Variants in CYP2C19 observed in about 807,000 individuals in gnomAD.
CYP2C19 encodes the protein cytochrome P450 family 2 subfamily C member 19.
In CYP2C19, 59 loss-of-function variants were observed where a neutral mutation model predicts 40.9. That is an observed-to-expected ratio of 1.44 (90% CI 1.17 to 1.79). The LOEUF (loss-of-function observed/expected upper bound fraction) is 1.79, where lower values mean the gene tolerates loss of function less well. Ranked by LOEUF, CYP2C19 falls within the 40% of genes most tolerant of loss-of-function variation. The pLI is 0.00. For synonymous variants in CYP2C19, 253 were observed against 208.7 expected (o/e 1.21, Z -1.83); for missense variants, 754 against 596.9 (o/e 1.26, Z -2.74).
chr10:94,842,386 A>G (rs1407331752), intron 6 of CYP2C19, among the ~76,000 whole-genome samples: 6 of 115,470 alleles, frequency 5.2e-5, no homozygotes, highest in Non-Finnish European at 1.1e-4. Flanking sequence ...GTGTTTTTTT[A>G]AGTGAAGTTT....
At chr10:94,795,024 C>T (rs962974946) in intron 5 of CYP2C19, among the ~76,000 whole-genome samples, 3 of 151,762 alleles carry the variant, frequency 2.0e-5, no homozygotes, top group Admixed American at 2.0e-4. Flanking sequence ...TATTTTTATA[C>T]TTTAAGTTGT....
intron 6 of CYP2C19, among the ~76,000 whole-genome samples, chr10:94,821,849 G>C (rs1269024483): frequency 3.3e-5 from 5 of 151,768 alleles, no homozygotes; most frequent in Non-Finnish European, 5.9e-5. Context: ...TGGGTAAATT[G>C]TGTAACACTG....
At chr10:94,788,385 G>A (rs57515602) in intron 5 of CYP2C19, among the ~76,000 whole-genome samples, 110 of 152,120 alleles carry the variant, frequency 7.2e-4, no homozygotes, top group African/African-American at 2.6e-3. Context: ...ACAGTAGAAG[G>A]ATGGGTATTT....
intron 1 of CYP2C19, among the ~76,000 whole-genome samples, chr10:94,771,776 A>C (rs781461017): frequency 1.3e-5 from 2 of 152,012 alleles, no homozygotes; most frequent in Non-Finnish European, 2.9e-5. Context: ...CAGCAGCAGA[A>C]ACACCTCTTG....
rs1384909866 is a variant in CYP2C19 at position 94,854,366 on chromosome 10, TCTC to T, written c.*1455_*1457del. Among the ~76,000 whole-genome samples, 1 of 152,112 alleles carries T rather than the reference TCTC, an allele frequency of 6.6e-6. No homozygotes were observed. The highest frequency in any genetic ancestry group is 1.5e-5 in the Non-Finnish European group (1 of 68,016). On this transcript the variant is annotated 3_prime_UTR_variant, in exon 9 of 9. Coordinates refer to ENST00000371321, the MANE Select transcript of CYP2C19 (RefSeq NM_000769.4). ...TACCAGGGTTTAATCTTTTTCAGCT[TCTC>T]CTATATTGTTTTAGTTTTAACATTA...
At chr10:94,801,343 G>A (rs577456994) in intron 5 of CYP2C19, among the ~76,000 whole-genome samples, 118 of 152,094 alleles carry the variant, frequency 7.8e-4, no homozygotes, top group African/African-American at 2.6e-3. Context: ...CCTTAATTTC[G>A]TTAGTTACTC....
At position 94,852,928 on chromosome 10, in the gene CYP2C19, G is replaced by A; in HGVS notation, c.*14G>A. On this transcript the variant is annotated 3_prime_UTR_variant, in exon 9 of 9. Coordinates refer to ENST00000371321, the MANE Select transcript of CYP2C19 (RefSeq NM_000769.4). ...ATTCCTGTCTGAAGAAGCACAGATG[G>A]TCTGGCTGCTCCTGTGCTGTCCCTG... is the stretch of plus-strand genomic sequence containing the variant. The A allele has an allele frequency of 1.2e-6, 2 of 1,613,638 alleles. No individual in the cohort carries two copies. The highest frequency in any genetic ancestry group is 8.5e-7 in the Non-Finnish European group (1 of 1,179,722).
At chr10:94,795,022 T>C (rs1848662688) in intron 5 of CYP2C19, among the ~76,000 whole-genome samples, 1 of 151,968 alleles carries the variant, frequency 6.6e-6, no homozygotes, top group South Asian at 2.1e-4. Flanking sequence ...TATATTTTTA[T>C]ACTTTAAGTT....
At chr10:94,824,801 C>A (rs925881604) in intron 6 of CYP2C19, among the ~76,000 whole-genome samples, 1 of 110,722 alleles carries the variant, frequency 9.0e-6, no homozygotes, top group African/African-American at 3.4e-5. Context: ...TGCTATCCCT[C>A]CCCCCTCCCC....
intron 6 of CYP2C19, among the ~76,000 whole-genome samples, chr10:94,823,051 A>G (rs1031835456): frequency 6.6e-6 from 1 of 152,188 alleles, no homozygotes; most frequent in Non-Finnish European, 1.5e-5. Flanking sequence ...TAAAACACAG[A>G]GAGCAAATGG....
At chr10:94,801,494 G>A (rs1346929904) in intron 5 of CYP2C19, among the ~76,000 whole-genome samples, 1 of 152,150 alleles carries the variant, frequency 6.6e-6, no homozygotes, top group Admixed American at 6.6e-5. Flanking sequence ...CATTTGCTCA[G>A]GAGTGTTTTA....
chr10:94,853,140 A>G lies in CYP2C19; in HGVS notation c.*226A>G. On this transcript the variant is annotated 3_prime_UTR_variant, in exon 9 of 9. Transcript: ENST00000371321. ...ACATTGAGTGCCACATAATGCTGAT[A>G]CTTGTCTAATGTTGAGTTATTAACA... 1 of 550,016 alleles carries G rather than the reference A, an allele frequency of 1.8e-6. No homozygotes were observed. The highest frequency in any genetic ancestry group is 3.2e-6 in the Non-Finnish European group (1 of 313,934). 34.1% of individuals were successfully genotyped at this position (550,016 alleles called of 1,614,324 possible). A position where few individuals can be genotyped will look rare whatever the true frequency, so the allele number is the denominator to read the frequency against.
intron 5 of CYP2C19, among the ~76,000 whole-genome samples, chr10:94,798,007 T>A (rs1386389364): frequency 2.6e-5 from 4 of 152,166 alleles, no homozygotes; most frequent in Non-Finnish European, 5.9e-5. Flanking sequence ...ACTGCTCTGA[T>A]CTTAGTTATT....
chr10:94,770,118 T>C (rs1848306865), intron 1 of CYP2C19, among the ~76,000 whole-genome samples: 1 of 152,044 alleles, frequency 6.6e-6, no homozygotes, highest in African/African-American at 2.4e-5. Flanking sequence ...CAGGAGGAAG[T>C]CAATTTCCTG....
At chr10:94,794,613 C>A (rs1848656767) in intron 5 of CYP2C19, among the ~76,000 whole-genome samples, 1 of 152,026 alleles carries the variant, frequency 6.6e-6, no homozygotes, top group Non-Finnish European at 1.5e-5. Context: ...TGAAGAGGTC[C>A]TTCACATCTC....
intron 6 of CYP2C19, among the ~76,000 whole-genome samples, chr10:94,823,658 G>C (rs1189803168): frequency 6.6e-6 from 1 of 152,062 alleles, no homozygotes; most frequent in Non-Finnish European, 1.5e-5. Flanking sequence ...AGCTATACCA[G>C]GTCATATTGA....
intron 5 of CYP2C19, among the ~76,000 whole-genome samples, chr10:94,802,670 TCA>T (rs1848783043): frequency 6.6e-6 from 1 of 152,268 alleles, no homozygotes; most frequent in South Asian, 2.1e-4. Flanking sequence ...TGCAGTTTCT[TCA>T]CAGAGTCAAT....
At chr10:94,816,695 C>A (rs1349421582) in intron 5 of CYP2C19, among the ~76,000 whole-genome samples, 11 of 149,220 alleles carry the variant, frequency 7.4e-5, no homozygotes, top group Admixed American at 1.3e-4. Flanking sequence ...GTCATCTAGC[C>A]TTAGGTATAT....
intron 7 of CYP2C19, among the ~76,000 whole-genome samples, chr10:94,843,895 G>A (rs1370265065): frequency 6.6e-6 from 1 of 152,154 alleles, no homozygotes; most frequent in Non-Finnish European, 1.5e-5. Context: ...AATGATGCTA[G>A]AAGTAGATTT....
Sources: gnomAD v4.1 joint callset for allele counts (sites outside exome capture counted in the v4.1 genomes callset) on GRCh38, gnomAD v4.1.1 for gene constraint, MANE v1.5 for transcripts, NCBI Gene and HGNC (gene_info 2026-07-23, HGNC 2026-07-21) for gene names.